CADM1: variants seen among roughly 807,000 people sequenced by gnomAD.
CADM1 encodes the protein TSLC-1.
In CADM1, 15 loss-of-function variants were observed where a neutral mutation model predicts 53.1. That is an observed-to-expected ratio of 0.28 (90% CI 0.19 to 0.44). The LOEUF (loss-of-function observed/expected upper bound fraction) is 0.44. Among genes scored for constraint, CADM1 ranks in the 20% least tolerant of loss-of-function variants. The pLI is 1.00. For missense variants in CADM1, 434 were observed against 611.3 expected, an observed-to-expected ratio of 0.71 and a Z score of 3.06; for synonymous variants, 281 against 243.0, an observed-to-expected ratio of 1.16 and a Z score of -1.45.
chr11:115,290,734 C>T lies in CADM1; in HGVS notation c.125-50314G>A, dbSNP rs143594282. Reference sequence around the variant, plus strand: ...ACAAATAAGATGGATGATGTAATTACGAACAGAAAACAAGTGGAGAGGAAG... The same window carrying T: ...ACAAATAAGATGGATGATGTAATTATGAACAGAAAACAAGTGGAGAGGAAG... On this transcript the variant is annotated intron_variant, in intron 1 of 11. Coordinates refer to ENST00000331581, the MANE Select transcript of CADM1 (RefSeq NM_001301043.2). Among the ~76,000 whole-genome samples, 222 of 152,166 alleles carry T rather than the reference C, an allele frequency of 1.5e-3. 1 individual carries two copies. Among genetic ancestry groups the T allele is most frequent in the African/African-American group, 5.1e-3 (212 of 41,496 alleles).
intron 1 of CADM1, among the ~76,000 whole-genome samples, chr11:115,387,911 C>A (rs1163089556): frequency 4.6e-5 from 7 of 150,624 alleles, no homozygotes; most frequent in South Asian, 2.1e-4. Context: ...AAAAAAAAAA[C>A]AAACAAACAA....
At chr11:115,289,726 G>T (rs1278711636) in intron 1 of CADM1, among the ~76,000 whole-genome samples, 4 of 151,086 alleles carry the variant, frequency 2.6e-5, no homozygotes, top group Admixed American at 2.6e-4. Context: ...TTCCCGAGTA[G>T]CTGGGACTAT....
chr11:115,407,141 A>G (rs1427298175), intron 1 of CADM1, among the ~76,000 whole-genome samples: 1 of 152,130 alleles, frequency 6.6e-6, no homozygotes, highest in African/African-American at 2.4e-5. Context: ...TACCTGAAAG[A>G]TCAACATACT....
chr11:115,232,754 T>C (rs1313169448), intron 3 of CADM1, among the ~76,000 whole-genome samples: 3 of 152,156 alleles, frequency 2.0e-5, no homozygotes, highest in African/African-American at 7.2e-5. Flanking sequence ...CTGAGCCTGT[T>C]GAAATAAAAA....
intron 1 of CADM1, among the ~76,000 whole-genome samples, chr11:115,284,887 T>C (rs1348057009): frequency 3.3e-5 from 5 of 152,248 alleles, no homozygotes; most frequent in Non-Finnish European, 7.3e-5. Flanking sequence ...TCTTATTAAA[T>C]GAACTGACCA....
intron 1 of CADM1, among the ~76,000 whole-genome samples, chr11:115,352,016 C>G (rs868019204): frequency 6.6e-6 from 1 of 152,180 alleles, no homozygotes. Context: ...TCCCAAAAGT[C>G]ATAGACTGCT....
Position 115,323,485 on chromosome 11 carries a change from AT to A in CADM1, c.125-83066del, listed in dbSNP as rs369456376. On this transcript the variant is annotated intron_variant, in intron 1 of 11. Transcript: ENST00000331581. ...AAGTAGATGGGTGAAATTTCACTTG[AT>A]TAGATAGCTCTTTCTAGCCAACAGC... Among the ~76,000 whole-genome samples, 1,353 of 152,264 alleles carry A rather than the reference AT, an allele frequency of 8.9e-3. 11 individuals carry two copies. The highest frequency in any genetic ancestry group is 0.01 in the Non-Finnish European group (691 of 68,024).
intron 10 of CADM1, among the ~76,000 whole-genome samples, chr11:115,185,652 G>C (rs1268790739): frequency 6.6e-6 from 1 of 152,214 alleles, no homozygotes; most frequent in African/African-American, 2.4e-5. Context: ...AACACCGCCA[G>C]AGACACCAGA....
chr11:115,462,521 C>G (rs117050762), intron 1 of CADM1, among the ~76,000 whole-genome samples: 1 of 152,094 alleles, frequency 6.6e-6, no homozygotes, highest in Non-Finnish European at 1.5e-5. Context: ...CCTCTGCTGA[C>G]AAGTGCCGCA....
chr11:115,186,327 G>A (rs2043232578), intron 10 of CADM1, among the ~76,000 whole-genome samples: 1 of 152,140 alleles, frequency 6.6e-6, no homozygotes, highest in Non-Finnish European at 1.5e-5. Context: ...TCTTCTTTGA[G>A]GAGAAAGAGC....
At chr11:115,357,096 C>G (rs932729430) in intron 1 of CADM1, among the ~76,000 whole-genome samples, 9 of 152,094 alleles carry the variant, frequency 5.9e-5, no homozygotes, top group South Asian at 4.1e-4. Flanking sequence ...TCTCTTCATC[C>G]CCCTCCTGGA....
chr11:115,443,367 T>A (rs548401757), intron 1 of CADM1, among the ~76,000 whole-genome samples: 2 of 152,286 alleles, frequency 1.3e-5, no homozygotes, highest in African/African-American at 2.4e-5. Flanking sequence ...ATAAAAGTAA[T>A]GGCAGATTGT....
intron 1 of CADM1, among the ~76,000 whole-genome samples, chr11:115,474,290 CAAAAAAAAAAAA>C (rs60168853): frequency 6.9e-4 from 14 of 20,216 alleles, no homozygotes; most frequent in Non-Finnish European, 8.5e-4. Context: ...GACTCCATCT[CAAAAAAAAAAAA>C]AAAAAAAAAA....
chr11:115,172,697 C>G lies in CADM1; in HGVS notation c.*3777G>C, dbSNP rs1938832038. 6.7e-6 allele frequency: 1 copy of G among 148,398 alleles called. No homozygotes were observed. The highest frequency in any genetic ancestry group is 2.2e-4 in the South Asian group (1 of 4,604). The allele number at this position is 148,398 out of a possible 1,614,324, so 9.2% of individuals were successfully genotyped here. A position where few individuals can be genotyped will look rare whatever the true frequency, so the allele number is the denominator to read the frequency against. ...TGCATCCCTCACCATGCTGGACATA[C>G]AGCAGGTGCTCAATAACTGCATATC... On this transcript the variant is annotated 3_prime_UTR_variant, in exon 12 of 12. Transcript: ENST00000331581.
chr11:115,263,291 G>A lies in CADM1; in HGVS notation c.125-22871C>T, dbSNP rs148210875. Among the ~76,000 whole-genome samples the A allele has an allele frequency of 3.7e-3, 562 of 152,306 alleles. 1 individual carries two copies. The highest frequency in any genetic ancestry group is 0.013 in the African/African-American group (539 of 41,560). The stretch of plus-strand genomic sequence containing the variant: ...CATCCAGCTCATCCTCACAATGAGG[G>A]GAATTTATCCTCATCTCCTAAGAGG... On this transcript the variant is annotated intron_variant, in intron 1 of 11. Transcript: ENST00000331581.
intron 1 of CADM1, among the ~76,000 whole-genome samples, chr11:115,301,696 C>A (rs1336406025): frequency 6.6e-6 from 1 of 152,164 alleles, no homozygotes; most frequent in African/African-American, 2.4e-5. Context: ...AGTTCCAATC[C>A]AGACTTCGCT....
chr11:115,237,106 A>C (rs1160310496), intron 3 of CADM1, among the ~76,000 whole-genome samples: 5 of 152,170 alleles, frequency 3.3e-5, no homozygotes, highest in Admixed American at 3.3e-4. Context: ...CTAATGACTT[A>C]CTCCAATAAG....
At chr11:115,396,046 A>G (rs1946986778) in intron 1 of CADM1, among the ~76,000 whole-genome samples, 1 of 152,210 alleles carries the variant, frequency 6.6e-6, no homozygotes, top group African/African-American at 2.4e-5. Context: ...GAAAGAACCT[A>G]GATTATTTTT....
At chr11:115,499,848 C>A (rs1555096081) in intron 1 of CADM1, among the ~76,000 whole-genome samples, 1 of 152,152 alleles carries the variant, frequency 6.6e-6, no homozygotes, top group Non-Finnish European at 1.5e-5. Context: ...GCTTTAGTCC[C>A]AAAATGTTAC....
Sources: allele counts gnomAD v4.1 joint callset (sites outside exome capture counted in the v4.1 genomes callset), GRCh38; gene constraint gnomAD v4.1.1; transcripts MANE v1.5; gene names NCBI Gene and HGNC (gene_info 2026-07-23, HGNC 2026-07-21).